The following PTPRG variants were observed in gnomAD, a reference collection of about 807,000 sequenced individuals.
PTPRG encodes the protein receptor-type tyrosine-protein phosphatase gamma.
Under a neutral mutation model 165.3 loss-of-function variants are expected in PTPRG, and 102 were observed. That is an observed-to-expected ratio of 0.62 (90% CI 0.53 to 0.73). The LOEUF (loss-of-function observed/expected upper bound fraction) is 0.73. Among genes scored for constraint, PTPRG ranks in the 30% least tolerant of loss-of-function variants. The pLI is 0.00. For synonymous variants in PTPRG, 675 were observed against 669.5 expected (o/e 1.01, Z -0.13); for missense variants, 1,866 against 1,861.4 (o/e 1.00, Z -0.05).
chr3:61,894,419 C>G (rs1183183828), intron 2 of PTPRG, among the ~76,000 whole-genome samples: 3 of 147,114 alleles, frequency 2.0e-5, no homozygotes, highest in African/African-American at 7.5e-5. Flanking sequence ...AGATGGTTTA[C>G]TCTGTTGGCA....
chr3:62,131,425 G>A (rs1035705373), intron 5 of PTPRG, among the ~76,000 whole-genome samples: 6 of 152,262 alleles, frequency 3.9e-5, no homozygotes, highest in African/African-American at 1.4e-4. Flanking sequence ...ACCCAACAGG[G>A]AAAATTTGTA....
At chr3:61,988,225 C>T (rs2040806792) in intron 2 of PTPRG, among the ~76,000 whole-genome samples, 1 of 152,082 alleles carries the variant, frequency 6.6e-6, no homozygotes, top group Non-Finnish European at 1.5e-5. Flanking sequence ...CGGTATTTTC[C>T]AGATAGCAAA....
intron 2 of PTPRG, among the ~76,000 whole-genome samples, chr3:61,847,857 C>T (rs2036849339): frequency 6.6e-6 from 1 of 152,232 alleles, no homozygotes; most frequent in Non-Finnish European, 1.5e-5. Context: ...GCCTTCTGTC[C>T]TGTGACGGAC....
rs11717199 is a variant in PTPRG, at chr3:62,114,145, G to A, written c.616-18457G>A. On this transcript the variant is annotated intron_variant, in intron 5 of 29. Coordinates refer to ENST00000474889, the MANE Select transcript of PTPRG (RefSeq NM_002841.4). ...GAAACCCCATCTCTACTAAAAATAC[G>A]AAACTTACCTGGACATGGTGGCACC... 8.2e-3 allele frequency among the ~76,000 whole-genome samples: 1,245 copies of A among 152,068 alleles called. 18 individuals are homozygous for A. The highest frequency in any genetic ancestry group is 0.024 in the African/African-American group (994 of 41,488).
chr3:62,057,781 A>G (rs149336791), intron 4 of PTPRG, among the ~76,000 whole-genome samples: 2 of 152,212 alleles, frequency 1.3e-5, no homozygotes, highest in Non-Finnish European at 2.9e-5. Context: ...CAAGAACTCC[A>G]AATGGGTCCT....
At position 62,233,337 on chromosome 3, in the gene PTPRG, C is replaced by T. The variant is rs1700949314; in HGVS notation, c.2375+2026C>T. ...TGTAATGTACAATTCCTCATTCTGGCCCACTGTCCCCTCTCCTTCCCCATG... is the reference window on the plus strand; with the variant it reads ...TGTAATGTACAATTCCTCATTCTGGTCCACTGTCCCCTCTCCTTCCCCATG... On this transcript the variant is annotated intron_variant, in intron 14 of 29. Coordinates refer to ENST00000474889, the MANE Select transcript of PTPRG (RefSeq NM_002841.4). This position sits in a 1 kb window ranked among gnomAD's most constrained non-coding sequence, Gnocchi z 4.7. 2.0e-5 allele frequency among the ~76,000 whole-genome samples: 3 copies of T among 152,122 alleles called. 1 individual carries two copies. The South Asian group carries it at 6.2e-4, about 32-fold the overall frequency.
At position 61,748,900 on chromosome 3, in the gene PTPRG, G is replaced by A; in HGVS notation, c.108G>A (p.Gly36=). 1.2e-6 allele frequency: 2 copies of A among 1,613,388 alleles called. No homozygotes were observed. Among genetic ancestry groups the A allele is most frequent in the South Asian group, 2.2e-5 (2 of 91,028 alleles). ...CFPALTEGYV[G]ALHENRHGSA... is the part of the protein sequence containing the mutation. The stretch of plus-strand genomic sequence containing the variant: ...CAGCGTTGACAGAAGGCTACGTTGG[G>A]GCCCTGCACGAGAATAGACACGGCA... Residue 36 remains glycine, a synonymous_variant, in exon 2 of 30, where the codon GGG becomes GGA. Coordinates refer to ENST00000474889, the MANE Select transcript of PTPRG (RefSeq NM_002841.4).
chr3:62,173,132 T>G (rs148765806), intron 8 of PTPRG, among the ~76,000 whole-genome samples: 5 of 152,228 alleles, frequency 3.3e-5, no homozygotes, highest in African/African-American at 1.2e-4. Flanking sequence ...CAGTATACTT[T>G]AAAATATTTC....
chr3:62,296,106 A>G lies in PTPRG; in HGVS notation c.*2799A>G, dbSNP rs911214508. ...AGACCAAGTGGCTGTGCTGGACATC[A>G]AAGAAAAGACATGCTGTTGCCATCA... is the stretch of plus-strand genomic sequence containing the variant. On this transcript the variant is annotated 3_prime_UTR_variant, in exon 30 of 30. Transcript: ENST00000474889. 5.3e-5 allele frequency: 8 copies of G among 152,102 alleles called. No individual in the cohort carries two copies. Among genetic ancestry groups the G allele is most frequent in the Non-Finnish European group, 5.9e-5 (4 of 67,990 alleles). 9.4% of individuals were successfully genotyped at this position (152,102 alleles called of 1,614,324 possible).
chr3:62,254,560 T>C lies in PTPRG; in HGVS notation c.2468-564T>C, dbSNP rs1701493718. On this transcript the variant is annotated intron_variant, in intron 15 of 29. Coordinates refer to ENST00000474889, the MANE Select transcript of PTPRG (RefSeq NM_002841.4). This position sits in a 1 kb window ranked among gnomAD's most constrained non-coding sequence, Gnocchi z 4.6. The stretch of plus-strand genomic sequence containing the variant: ...ATTTGGCATCATGTAGACACAGCTG[T>C]CTTGAGCTAAAATTTTGAACACTTA... Among the ~76,000 whole-genome samples, 1 of 152,156 alleles carries C rather than the reference T, an allele frequency of 6.6e-6. No individual in the cohort carries two copies. Among genetic ancestry groups the C allele is most frequent in the South Asian group, 2.1e-4 (1 of 4,828 alleles).
chr3:61,798,302 CCTT>C (rs1255434650), intron 2 of PTPRG, among the ~76,000 whole-genome samples: 1 of 152,152 alleles, frequency 6.6e-6, no homozygotes, highest in Non-Finnish European at 1.5e-5. Flanking sequence ...TGTTAGGATC[CCTT>C]CCCCAACACA....
At chr3:61,686,684 T>A (rs1397548783) in intron 1 of PTPRG, among the ~76,000 whole-genome samples, 1 of 152,184 alleles carries the variant, frequency 6.6e-6, no homozygotes, top group Admixed American at 6.5e-5. Flanking sequence ...AATTATACTA[T>A]GCTAAATAAT....
At chr3:61,943,725 C>T (rs1046069243) in intron 2 of PTPRG, among the ~76,000 whole-genome samples, 10 of 152,334 alleles carry the variant, frequency 6.6e-5, no homozygotes, top group East Asian at 1.9e-4. Context: ...ATATTACTCT[C>T]TTCATGGGGT....
intron 2 of PTPRG, among the ~76,000 whole-genome samples, chr3:61,982,708 A>G (rs1019024315): frequency 2.6e-5 from 4 of 152,170 alleles, no homozygotes; most frequent in African/African-American, 9.7e-5. Flanking sequence ...ACAGTAAAAC[A>G]GGCTCCAGAG....
intron 5 of PTPRG, among the ~76,000 whole-genome samples, chr3:62,131,984 A>C (rs1703533084): frequency 2.6e-5 from 4 of 152,206 alleles, no homozygotes; most frequent in Admixed American, 2.6e-4. Flanking sequence ...CAGAAAGTTA[A>C]GGGAAAGAAG....
At chr3:62,013,821 C>T (rs1467657140) in intron 4 of PTPRG, among the ~76,000 whole-genome samples, 2 of 149,808 alleles carry the variant, frequency 1.3e-5, no homozygotes, top group South Asian at 2.1e-4. Context: ...AACTTTTTTC[C>T]TCTTATTCTT....
At chr3:61,743,438 C>T (rs2033080711) in intron 1 of PTPRG, among the ~76,000 whole-genome samples, 1 of 152,122 alleles carries the variant, frequency 6.6e-6, no homozygotes. Flanking sequence ...AAACCCATTT[C>T]ATTATTACAC....
chr3:61,829,167 A>G (rs2036197868), intron 2 of PTPRG, among the ~76,000 whole-genome samples: 1 of 152,248 alleles, frequency 6.6e-6, no homozygotes, highest in Non-Finnish European at 1.5e-5. Flanking sequence ...ATGCATCCCA[A>G]CAAAGGCGAA....
At position 62,255,030 on chromosome 3, in the gene PTPRG, C is replaced by T; in HGVS notation, c.2468-94C>T. Reference sequence around the variant, plus strand: ...CAATTATTTTGCTCTTTGCAAAAATCAAGTATTTGTCTTAAGGATGCTTTG... The same window carrying T: ...CAATTATTTTGCTCTTTGCAAAAATTAAGTATTTGTCTTAAGGATGCTTTG... On this transcript the variant is annotated intron_variant, in intron 15 of 29. Transcript: ENST00000474889. This position sits in a 1 kb window ranked among gnomAD's most constrained non-coding sequence, Gnocchi z 4.0. 3 of 1,051,306 alleles carry T rather than the reference C, an allele frequency of 2.9e-6. No homozygotes were observed. The highest frequency in any genetic ancestry group is 4.2e-6 in the Non-Finnish European group (3 of 721,596). The allele number at this position is 1,051,306 out of a possible 1,614,324, so 65.1% of individuals were successfully genotyped here. A position where few individuals can be genotyped will look rare whatever the true frequency, so the allele number is the denominator to read the frequency against.
Sources: allele counts gnomAD v4.1 joint callset (sites outside exome capture counted in the v4.1 genomes callset), GRCh38; gene constraint gnomAD v4.1.1; non-coding constraint Gnocchi (gnomAD v3.1); transcripts MANE v1.5; gene names NCBI Gene and HGNC (gene_info 2026-07-23, HGNC 2026-07-21).